The following GALNTL5 variants were observed in gnomAD, a reference collection of about 807,000 sequenced individuals.
GALNTL5 encodes the protein polypeptide N-acetylgalactosaminyltransferase like 5, also known as inactive polypeptide N-acetylgalactosaminyltransferase-like protein 5.
Under a neutral mutation model 51.0 loss-of-function variants are expected in GALNTL5, and 44 were observed. That is an observed-to-expected ratio of 0.86 (90% CI 0.68 to 1.11). GALNTL5 has a LOEUF of 1.11. Among genes scored for constraint, GALNTL5 ranks in the 50% least tolerant of loss-of-function variants. The probability of loss-of-function intolerance (pLI) is 0.00; values close to 1 mark genes in which losing one functional copy is unlikely to be tolerated. For synonymous variants in GALNTL5, 192 were observed against 182.8 expected, an observed-to-expected ratio of 1.05 and a Z score of -0.41; for missense variants, 528 against 531.8, an observed-to-expected ratio of 0.99 and a Z score of 0.07.
At chr7:151,964,245 A>C (rs557065175) in intron 1 of GALNTL5, among the ~76,000 whole-genome samples, 90 of 152,256 alleles carry the variant, frequency 5.9e-4, no homozygotes, top group Non-Finnish European at 1.1e-3. Flanking sequence ...TACCTCTTTA[A>C]AAGCTCTGTC....
intron 2 of GALNTL5, chr7:151,970,543 A>G (rs568735738): frequency 5.4e-5 from 10 of 184,360 alleles, no homozygotes; most frequent in Non-Finnish European, 1.0e-4. Flanking sequence ...CTATTAGCTC[A>G]TGGGAAAGCT....
intron 8 of GALNTL5, among the ~76,000 whole-genome samples, chr7:152,019,396 G>A (rs1429906143): frequency 6.6e-6 from 1 of 152,202 alleles, no homozygotes; most frequent in Non-Finnish European, 1.5e-5. Flanking sequence ...TGGCTCCTGA[G>A]AAGCAGGACC....
chr7:152,017,853 T>C (rs1313013781), intron 8 of GALNTL5, among the ~76,000 whole-genome samples: 1 of 152,144 alleles, frequency 6.6e-6, no homozygotes, highest in African/African-American at 2.4e-5. Flanking sequence ...CTTTTTTTTT[T>C]TCTTTCTTTT....
At chr7:151,974,202 G>C (rs1208287297) in intron 3 of GALNTL5, among the ~76,000 whole-genome samples, 1 of 61,582 alleles carries the variant, frequency 1.6e-5, no homozygotes, top group Non-Finnish European at 3.7e-5. Context: ...CCCAACCCCA[G>C]CACTTCCTGG....
chr7:151,965,361 T>C (rs2081046433), intron 1 of GALNTL5, among the ~76,000 whole-genome samples: 1 of 152,196 alleles, frequency 6.6e-6, no homozygotes, highest in Admixed American at 6.5e-5. Context: ...TTATTCTTAT[T>C]CAGTTGAGTC....
At chr7:151,981,045 A>C (rs879485016) in intron 3 of GALNTL5, among the ~76,000 whole-genome samples, 1 of 152,130 alleles carries the variant, frequency 6.6e-6, no homozygotes, top group Non-Finnish European at 1.5e-5. Flanking sequence ...GCGCCCGGCC[A>C]CAATGATTTT....
intron 4 of GALNTL5, 106 bp from the exon 5 acceptor site, chr7:151,987,053 T>C: frequency 2.0e-6 from 2 of 1,009,864 alleles, no homozygotes; most frequent in East Asian, 3.2e-5. Context: ...AAGTTAGAAC[T>C]TCTGTGGAAT....
At position 151,981,200 on chromosome 7, in the gene GALNTL5, A is replaced by G. The variant is rs147844021; in HGVS notation, c.369-1786A>G. Among the ~76,000 whole-genome samples, 285 of 152,284 alleles carry G rather than the reference A, an allele frequency of 1.9e-3. 4 individuals are homozygous for G. Among genetic ancestry groups the G allele is most frequent in the African/African-American group, 6.6e-3 (276 of 41,564 alleles). On this transcript the variant is annotated intron_variant, in intron 3 of 8. Transcript: ENST00000392800. ...CCAGTTTCTCCTTGGGTCCTTGCCT[A>G]TAAGAAATGCTGATGTCAATCACAT...
intron 2 of GALNTL5, among the ~76,000 whole-genome samples, chr7:151,968,881 T>C (rs1449847865): frequency 6.6e-6 from 1 of 152,246 alleles, no homozygotes; most frequent in South Asian, 2.1e-4. Flanking sequence ...CTAATGATTT[T>C]GAGCACATTT....
chr7:151,988,043 C>T (rs1289146628), intron 5 of GALNTL5, among the ~76,000 whole-genome samples: 1 of 152,206 alleles, frequency 6.6e-6, no homozygotes, highest in African/African-American at 2.4e-5. Context: ...CAAATCCGTC[C>T]CCTGCAGCAG....
chr7:151,983,125 A>AT lies in GALNTL5; in HGVS notation c.512dup (p.Leu171PhefsTer4). ...GCCACACTATTTTCTTGAAGAAATT[A>AT]TTTTGGTAGATGACATGAGCAAAGT... is the stretch of plus-strand genomic sequence containing the variant. On this transcript the variant is annotated frameshift_variant, in exon 4 of 9. Transcript: ENST00000392800. LOFTEE classifies it high-confidence loss of function. 1 of 1,614,060 alleles carries AT rather than the reference A, an allele frequency of 6.2e-7. No individual in the cohort carries two copies. Among genetic ancestry groups the AT allele is most frequent in the Non-Finnish European group, 8.5e-7 (1 of 1,179,954 alleles).
At chr7:151,964,742 G>T (rs1383329897) in intron 1 of GALNTL5, among the ~76,000 whole-genome samples, 2 of 152,142 alleles carry the variant, frequency 1.3e-5, no homozygotes, top group African/African-American at 4.8e-5. Context: ...GCTGAGTGTT[G>T]GGCCAACCTT....
intron 8 of GALNTL5, among the ~76,000 whole-genome samples, chr7:152,015,399 G>A (rs374178617): frequency 3.6e-5 from 5 of 138,520 alleles, no homozygotes; most frequent in South Asian, 2.2e-4. Context: ...TTGCTCTGTC[G>A]CCCAGGCTGG....
intron 3 of GALNTL5, among the ~76,000 whole-genome samples, chr7:151,980,737 ATTTTTTTTTTT>A (rs61288964): frequency 3.6e-4 from 36 of 98,960 alleles, no homozygotes; most frequent in Non-Finnish European, 5.5e-4. Flanking sequence ...GCTAACAATG[ATTTTTTTTTTT>A]TTTTTTTTTT....
At chr7:151,996,862 T>G (rs2151953856) in intron 5 of GALNTL5, among the ~76,000 whole-genome samples, 1 of 152,048 alleles carries the variant, frequency 6.6e-6, no homozygotes, top group South Asian at 2.1e-4. Flanking sequence ...ACTGAGAATT[T>G]TAATGTGATG....
chr7:151,982,870 C>T (rs764265882), intron 3 of GALNTL5, 116 bp from the exon 4 acceptor site: 6 of 1,587,492 alleles, frequency 3.8e-6, no homozygotes, highest in Non-Finnish European at 5.1e-6. Flanking sequence ...CCATAATTAT[C>T]AGTTGAAGGA....
intron 5 of GALNTL5, among the ~76,000 whole-genome samples, chr7:151,992,929 C>A (rs368486046): frequency 1.3e-5 from 2 of 152,100 alleles, no homozygotes; most frequent in African/African-American, 2.4e-5. Context: ...GCACACGCAT[C>A]GCATCTGTGT....
chr7:152,017,915 G>A (rs996294986), intron 8 of GALNTL5, among the ~76,000 whole-genome samples: 1 of 151,600 alleles, frequency 6.6e-6, no homozygotes, highest in African/African-American at 2.4e-5. Flanking sequence ...ATGCAATCTC[G>A]GCTCACTGCA....
At chr7:151,975,863 A>G (rs1036911820) in intron 3 of GALNTL5, among the ~76,000 whole-genome samples, 3 of 151,952 alleles carry the variant, frequency 2.0e-5, no homozygotes, top group Admixed American at 1.3e-4. Context: ...TTTAATTTCC[A>G]TATATTTGTG....
Sources: gnomAD v4.1 joint callset for allele counts (sites outside exome capture counted in the v4.1 genomes callset) on GRCh38, gnomAD v4.1.1 for gene constraint, MANE v1.5 for transcripts, NCBI Gene and HGNC (gene_info 2026-07-23, HGNC 2026-07-21) for gene names.